The following TLE4 variants were observed in gnomAD, a reference collection of about 807,000 sequenced individuals.
TLE4 encodes transducin-like enhancer protein 4.
Under a neutral mutation model 92.8 loss-of-function variants are expected in TLE4, and 8 were observed. That is an observed-to-expected ratio of 0.09 (90% CI 0.05 to 0.16). TLE4 has a LOEUF of 0.16. Ranked by LOEUF, TLE4 falls within the 10% of genes least tolerant of loss-of-function variation. The pLI, the probability that TLE4 is intolerant of heterozygous loss-of-function variation, is 1.00. For missense variants in TLE4, 675 were observed against 997.6 expected (o/e 0.68, Z 4.36); for synonymous variants, 371 against 374.1 (o/e 0.99, Z 0.10).
chr9:79,669,628 C>T (rs2061944011), intron 8 of TLE4, among the ~76,000 whole-genome samples: 1 of 152,126 alleles, frequency 6.6e-6, no homozygotes, highest in Non-Finnish European at 1.5e-5. Context: ...CTAAGGCTTC[C>T]TTTCAACATT....
intron 4 of TLE4, among the ~76,000 whole-genome samples, chr9:79,606,360 T>G (rs1278403864): frequency 6.9e-6 from 1 of 143,930 alleles, no homozygotes; most frequent in Non-Finnish European, 1.5e-5. Context: ...ATACCTAAGA[T>G]TAGTGTGTGT....
rs11138302 is a variant in TLE4 at position 79,598,595 on chromosome 9, G to C, written c.253-14061G>C. Among the ~76,000 whole-genome samples, 11 of 152,282 alleles carry C rather than the reference G, an allele frequency of 7.2e-5. No individual in the cohort carries two copies. The South Asian group carries it at 1.0e-3, about 14-fold the overall frequency. ...GTTTCAATGTCTGTCTCATTTGCTA[G>C]ATTATGGACTCTGTAAGTCCTATCT... On this transcript the variant is annotated intron_variant, in intron 4 of 19. Transcript: ENST00000376552.
intron 6 of TLE4, among the ~76,000 whole-genome samples, chr9:79,650,480 C>A (rs2058773716): frequency 6.6e-6 from 1 of 152,086 alleles, no homozygotes. Context: ...AGAATTGGAG[C>A]TATTTCTGTT....
chr9:79,690,779 CTTTTTTTTTTTTTTTTTT>C (rs35528090), intron 8 of TLE4, among the ~76,000 whole-genome samples: 3 of 54,152 alleles, frequency 5.5e-5, no homozygotes, highest in Admixed American at 5.6e-4. Context: ...CCACTCCTGG[CTTTTTTTTTTTTTTTTTT>C]TTTTTTTTTT....
At chr9:79,621,756 A>G (rs2051053535) in intron 5 of TLE4, among the ~76,000 whole-genome samples, 1 of 152,128 alleles carries the variant, frequency 6.6e-6, no homozygotes, top group East Asian at 1.9e-4. Flanking sequence ...TGGTTGGTTG[A>G]TTGTTAATAG....
At position 79,572,711 on chromosome 9, in the gene TLE4, C is replaced by G; in HGVS notation, c.-80C>G. 2.0e-6 allele frequency: 3 copies of G among 1,490,520 alleles called. No homozygotes were observed. The highest frequency in any genetic ancestry group is 1.2e-5 in the South Asian group (1 of 84,934). 92.3% of individuals were successfully genotyped at this position (1,490,520 alleles called of 1,614,324 possible). ...AGACCGAGCCGGCCGCCTCCGCTGC[C>G]GCGGCCGCCTCCTCTTCGGGGTCAT... On this transcript the variant is annotated 5_prime_UTR_variant, in exon 1 of 20. Transcript: ENST00000376552.
chr9:79,675,167 C>A (rs1485421954), intron 8 of TLE4, among the ~76,000 whole-genome samples: 1 of 152,154 alleles, frequency 6.6e-6, no homozygotes, highest in African/African-American at 2.4e-5. Context: ...CTTACACTTG[C>A]AATGTTTTGG....
chr9:79,619,770 TAGA>T (rs2050511017), intron 5 of TLE4, among the ~76,000 whole-genome samples: 1 of 152,220 alleles, frequency 6.6e-6, no homozygotes, highest in Non-Finnish European at 1.5e-5. Context: ...AAATGAATAA[TAGA>T]CATGGATTGG....
intron 19 of TLE4, 35 bp from the exon 20 acceptor site, chr9:79,725,002 T>A: frequency 6.5e-7 from 1 of 1,529,362 alleles, no homozygotes; most frequent in Non-Finnish European, 9.1e-7. Context: ...TTTCTTTCAG[T>A]ATTTAACATT....
Position 79,720,183 on chromosome 9 carries a change from G to C in TLE4, c.1728G>C (p.Ser576=). Residue 576 remains serine, a synonymous_variant, in exon 16 of 20, where the codon TCG becomes TCC. Coordinates refer to ENST00000376552, the MANE Select transcript of TLE4 (RefSeq NM_007005.6). The stretch of plus-strand genomic sequence containing the variant: ...GCATCAAGGCAGAGCTGACATCCTC[G>C]GCCCCCGCCTGCTATGCCCTGGCCA... The part of the protein sequence containing the change: ...TPRIKAELTS[S]APACYALAIS... The C allele has an allele frequency of 1.2e-6, 2 of 1,614,152 alleles. No individual in the cohort carries two copies. The highest frequency in any genetic ancestry group is 1.7e-6 in the Non-Finnish European group (2 of 1,180,026).
intron 4 of TLE4, among the ~76,000 whole-genome samples, chr9:79,607,284 G>C (rs1247787451): frequency 6.6e-6 from 1 of 151,950 alleles, no homozygotes; most frequent in Non-Finnish European, 1.5e-5. Flanking sequence ...CTTTTGTCAG[G>C]TGGGTAGATT....
intron 14 of TLE4, among the ~76,000 whole-genome samples, chr9:79,712,544 C>T (rs998940996): frequency 6.6e-6 from 1 of 152,164 alleles, no homozygotes; most frequent in Non-Finnish European, 1.5e-5. Flanking sequence ...CTACCTTTCT[C>T]CAGAAAGACT....
chr9:79,604,131 T>C (rs778175612), intron 4 of TLE4, among the ~76,000 whole-genome samples: 3 of 151,748 alleles, frequency 2.0e-5, no homozygotes, highest in Non-Finnish European at 4.4e-5. Context: ...GGACGAGTAA[T>C]TGAGGATGGT....
At chr9:79,617,585 A>G (rs1159354831) in intron 5 of TLE4, among the ~76,000 whole-genome samples, 2 of 152,208 alleles carry the variant, frequency 1.3e-5, no homozygotes, top group Non-Finnish European at 2.9e-5. Flanking sequence ...GAAGAGGCAC[A>G]TTAGGCAAGA....
chr9:79,606,186 T>A (rs1451463844), intron 4 of TLE4, among the ~76,000 whole-genome samples: 2 of 117,896 alleles, frequency 1.7e-5, no homozygotes, highest in Non-Finnish European at 3.4e-5. Context: ...CAGTAGTAGT[T>A]GTTTTTTTTT....
intron 8 of TLE4, chr9:79,693,568 TAGC>T (rs2067538869): frequency 2.3e-6 from 1 of 444,438 alleles, no homozygotes; most frequent in Non-Finnish European, 4.3e-6. Context: ...TTGGCTGTGT[TAGC>T]AGAGAGCTGT....
At chr9:79,705,470 G>A (rs188032318) in intron 9 of TLE4, among the ~76,000 whole-genome samples, 3 of 152,330 alleles carry the variant, frequency 2.0e-5, no homozygotes, top group Admixed American at 6.5e-5. Context: ...CTACAGGGCC[G>A]CAGGCCTCAT....
intron 8 of TLE4, among the ~76,000 whole-genome samples, chr9:79,673,705 T>G (rs1234711215): frequency 6.6e-6 from 1 of 152,110 alleles, no homozygotes; most frequent in Non-Finnish European, 1.5e-5. Context: ...CAGAGTAATT[T>G]CCCCCTAAAA....
chr9:79,650,568 G>A (rs186038357), intron 6 of TLE4, among the ~76,000 whole-genome samples: 2 of 152,256 alleles, frequency 1.3e-5, no homozygotes, highest in East Asian at 3.9e-4. Flanking sequence ...TGCACTGTTA[G>A]GAAATATAAT....
Sources: gnomAD v4.1 joint callset for allele counts (sites outside exome capture counted in the v4.1 genomes callset) on GRCh38, gnomAD v4.1.1 for gene constraint, MANE v1.5 for transcripts, NCBI Gene and HGNC (gene_info 2026-07-23, HGNC 2026-07-21) for gene names.